The following HIVEP2 variants were observed in gnomAD, a reference collection of about 807,000 sequenced individuals.
The protein encoded by HIVEP2 is HIVEP zinc finger 2, also known as transcription factor HIVEP2.
Under a neutral mutation model 180.7 loss-of-function variants are expected in HIVEP2, and 14 were observed. The observed-to-expected ratio is 0.08, with a 90% confidence interval of 0.05 to 0.12. The LOEUF (loss-of-function observed/expected upper bound fraction) is 0.12, where lower values mean the gene tolerates loss of function less well. Among genes scored for constraint, HIVEP2 ranks in the 10% least tolerant of loss-of-function variants. HIVEP2 has a pLI of 1.00. For synonymous variants in HIVEP2, 1,184 were observed against 1,136.4 expected (o/e 1.04, Z -0.84); for missense variants, 2,579 against 3,008.5 (o/e 0.86, Z 3.34).
chr6:142,787,281 A>G (rs564066975), intron 2 of HIVEP2, among the ~76,000 whole-genome samples: 1 of 152,206 alleles, frequency 6.6e-6, no homozygotes, highest in African/African-American at 2.4e-5. Context: ...AACAACATCA[A>G]TGAAAATAAT....
chr6:142,863,345 T>C (rs1165493279), intron 1 of HIVEP2, among the ~76,000 whole-genome samples: 1 of 151,906 alleles, frequency 6.6e-6, no homozygotes, highest in African/African-American at 2.4e-5. Context: ...GTATCTGCCT[T>C]GTCCAATGTT....
intron 1 of HIVEP2, among the ~76,000 whole-genome samples, chr6:142,923,617 T>C (rs1777732782): frequency 6.6e-6 from 1 of 152,184 alleles, no homozygotes; most frequent in Admixed American, 6.5e-5. Context: ...AGTTGTACCT[T>C]AGCAAGGCAG....
intron 1 of HIVEP2, among the ~76,000 whole-genome samples, chr6:142,889,211 A>G (rs1351073173): frequency 6.6e-6 from 1 of 152,156 alleles, no homozygotes; most frequent in South Asian, 2.1e-4. Context: ...GGTGGCTCAC[A>G]TCTGTAATTC....
intron 1 of HIVEP2, among the ~76,000 whole-genome samples, chr6:142,910,838 T>C (rs1198336299): frequency 6.6e-6 from 1 of 152,164 alleles, no homozygotes; most frequent in African/African-American, 2.4e-5. Flanking sequence ...TCAGACCTAG[T>C]GAATCACATG....
chr6:142,767,943 GATA>G (rs1775415966), intron 6 of HIVEP2, among the ~76,000 whole-genome samples: 1 of 152,188 alleles, frequency 6.6e-6, no homozygotes, highest in South Asian at 2.1e-4. Flanking sequence ...CTCTAGTTTA[GATA>G]ATAAGAAAAA....
intron 2 of HIVEP2, among the ~76,000 whole-genome samples, chr6:142,800,835 A>G (rs1442531320): frequency 1.3e-5 from 2 of 152,158 alleles, no homozygotes; most frequent in African/African-American, 4.8e-5. Flanking sequence ...GCTAATCCAA[A>G]CGGCTCAGAA....
intron 1 of HIVEP2, among the ~76,000 whole-genome samples, chr6:142,916,026 G>C (rs1323286019): frequency 6.6e-6 from 1 of 152,082 alleles, no homozygotes; most frequent in East Asian, 1.9e-4. Flanking sequence ...CTCATTCTAG[G>C]CTACGTCCTC....
chr6:142,896,812 A>G (rs997146789), intron 1 of HIVEP2, among the ~76,000 whole-genome samples: 2 of 152,102 alleles, frequency 1.3e-5, no homozygotes, highest in Non-Finnish European at 2.9e-5. Context: ...TCTTTCCTCT[A>G]TATCATCTAC....
rs866739526 is a variant in HIVEP2 at position 142,927,171 on chromosome 6, G to C, written c.-641+17928C>G. ...AGGAAACCGAGCTCGCAAGCCCAGC[G>C]CTCCCAGCCGCAGACTGCAGGCTGC... On this transcript the variant is annotated intron_variant, in intron 1 of 9. Transcript: ENST00000367603. Among the ~76,000 whole-genome samples, 3 of 152,144 alleles carry C rather than the reference G, an allele frequency of 2.0e-5. No homozygotes were observed. In the South Asian group the frequency reaches 6.2e-4, roughly 31 times the overall value.
chr6:142,813,441 T>C (rs528241677), intron 2 of HIVEP2, among the ~76,000 whole-genome samples: 4 of 152,318 alleles, frequency 2.6e-5, no homozygotes, highest in South Asian at 4.1e-4. Flanking sequence ...ATGGATGACA[T>C]ACATATTTAA....
intron 8 of HIVEP2, among the ~76,000 whole-genome samples, chr6:142,761,253 CT>C (rs1194567700): frequency 1.3e-5 from 2 of 152,142 alleles, no homozygotes; most frequent in Non-Finnish European, 2.9e-5. Context: ...AAAGTAAGGC[CT>C]TTTTTGCCCT....
At chr6:142,805,799 A>T (rs1776534796) in intron 2 of HIVEP2, among the ~76,000 whole-genome samples, 1 of 152,152 alleles carries the variant, frequency 6.6e-6, no homozygotes, top group South Asian at 2.1e-4. Flanking sequence ...GTAGAGGCTT[A>T]TGAAACACCA....
At chr6:142,857,348 A>G (rs369557063) in intron 1 of HIVEP2, among the ~76,000 whole-genome samples, 1 of 152,042 alleles carries the variant, frequency 6.6e-6, no homozygotes, top group African/African-American at 2.4e-5. Context: ...GTCATTCACA[A>G]CTCCCGGAAA....
chr6:142,781,623 A>G, intron 3 of HIVEP2, among the ~76,000 whole-genome samples: 1 of 152,156 alleles, frequency 6.6e-6, no homozygotes, highest in South Asian at 2.1e-4. Context: ...CTGCATGGCT[A>G]TTTCAGTGGT....
At position 142,773,448 on chromosome 6, in the gene HIVEP2, G is replaced by C; in HGVS notation, c.1291C>G (p.Arg431Gly). The change falls in exon 5 of 10, where the codon CGG becomes GGG. Residue 431 changes from arginine to glycine, a missense_variant. This residue lies in a region of HIVEP2 where 524 missense variants were observed against 563.6 expected (regional missense o/e 0.93). Coordinates refer to ENST00000367603, the MANE Select transcript of HIVEP2 (RefSeq NM_006734.4). ...YEEIIFGKYCRLSPRNALSVT... is the reference protein window; with the variant it reads ...YEEIIFGKYCGLSPRNALSVT... ...CTGAGTGCATTTCTCGGACTAAGCC[G>C]ACAGTATTTTCCAAAGATGATTTCT... The C allele has an allele frequency of 6.2e-7, 1 of 1,614,202 alleles. No individual in the cohort carries two copies. The highest frequency in any genetic ancestry group is 1.3e-5 in the African/African-American group (1 of 75,036).
Position 142,753,212 on chromosome 6 carries a change from C to G in HIVEP2, c.7236G>C (p.Lys2412Asn). ...CCAACTGCTTGTCATCCACACAACT[C>G]TTGCTGTAAAACGTGGAGTGAGCTA... ...TPLAHSTFYS[K>N]SCVDDKQLDF... Residue 2412 changes from lysine to asparagine, a missense_variant, in exon 10 of 10, where the codon AAG becomes AAC. Coordinates refer to ENST00000367603, the MANE Select transcript of HIVEP2 (RefSeq NM_006734.4). 6.2e-7 allele frequency: 1 copy of G among 1,614,108 alleles called. No individual in the cohort carries two copies. The highest frequency in any genetic ancestry group is 8.5e-7 in the Non-Finnish European group (1 of 1,179,926).
At chr6:142,818,737 G>GAA (rs1776929798) in intron 2 of HIVEP2, among the ~76,000 whole-genome samples, 1 of 46,272 alleles carries the variant, frequency 2.2e-5, no homozygotes, top group African/African-American at 8.1e-5. Flanking sequence ...AGAAAGAAAA[G>GAA]AAAGAAAGAA....
At position 142,773,367 on chromosome 6, in the gene HIVEP2, G is replaced by T; in HGVS notation, c.1372C>A (p.Pro458Thr). Residue 458 changes from proline (P) to threonine (T), a missense_variant, in exon 5 of 10, where the codon CCA becomes ACA. By Grantham distance (38) the Pro-to-Thr change is conservative. This residue lies in a region of HIVEP2 where 524 missense variants were observed against 563.6 expected (regional missense o/e 0.93). Transcript: ENST00000367603. The part of the protein sequence containing the change: ...AAMGRKGIME[P>T]LPHVNTRLDV... Reference sequence around the variant, plus strand: ...AACCTGGTGTTAACGTGAGGTAATGGTTCCATTATGCCCTTCCTACCCATT... The same window carrying T: ...AACCTGGTGTTAACGTGAGGTAATGTTTCCATTATGCCCTTCCTACCCATT... 6.2e-7 allele frequency: 1 copy of T among 1,614,134 alleles called. No homozygotes were observed. Among genetic ancestry groups the T allele is most frequent in the Non-Finnish European group, 8.5e-7 (1 of 1,180,026 alleles).
intron 1 of HIVEP2, among the ~76,000 whole-genome samples, chr6:142,911,702 C>T (rs192454618): frequency 0.022 from 3,420 of 152,152 alleles, 128 homozygotes; most frequent in East Asian, 0.14. Flanking sequence ...AGAAATGAGA[C>T]AACAAGCCAT....
Sources: allele counts gnomAD v4.1 joint callset (sites outside exome capture counted in the v4.1 genomes callset), GRCh38; gene constraint gnomAD v4.1.1; regional missense constraint gnomAD v4.1.1; transcripts MANE v1.5; gene names NCBI Gene and HGNC (gene_info 2026-07-23, HGNC 2026-07-21).